EIF2S3: variants seen among roughly 807,000 people sequenced by gnomAD.
EIF2S3 encodes eukaryotic translation initiation factor 2 subunit gamma, also known as eukaryotic translation initiation factor 2 subunit 3.
EIF2S3 carries 2 observed loss-of-function variants against 31.7 expected under a neutral mutation model. The observed-to-expected ratio is 0.06, with a 90% CI of 0.03 to 0.20. The LOEUF is 0.20. EIF2S3 is among the 10% of genes least tolerant of loss of function. EIF2S3 has a pLI of 1.00. For synonymous variants in EIF2S3, 120 were observed against 126.7 expected (o/e 0.95, Z 0.36); for missense variants, 96 against 359.3 (o/e 0.27, Z 5.92).
rs746039942 is a variant in EIF2S3 at position 24,071,535 on chromosome X, A to G, written c.1013-23A>G. 8 of 1,199,228 alleles carry G rather than the reference A, an allele frequency of 6.7e-6. No homozygotes were observed. In the Admixed American group the frequency reaches 6.9e-5, roughly 10 times the overall value. On this transcript the variant is annotated intron_variant, in intron 9 of 11. Coordinates refer to ENST00000253039, the MANE Select transcript of EIF2S3 (RefSeq NM_001415.4). ...GTTTTAGGAAATAAAAAATTGAGCT[A>G]TATACATCTTATTTTTATATAGGAG...
chrX:24,077,663 C>A lies in EIF2S3; in HGVS notation c.*878C>A, dbSNP rs1307470397. ...CCTTTAGAGCATGATTACTTGTTCC[C>A]ATGGACAAATATTTTTCTCCCCTTG... On this transcript the variant is annotated 3_prime_UTR_variant, in exon 12 of 12. Coordinates refer to ENST00000253039, the MANE Select transcript of EIF2S3 (RefSeq NM_001415.4). 9.0e-6 allele frequency: 1 copy of A among 111,347 alleles called. No individual in the cohort carries two copies. Among genetic ancestry groups the A allele is most frequent in the Non-Finnish European group, 1.9e-5 (1 of 53,108 alleles). 9.2% of individuals were successfully genotyped at this position (111,347 alleles called of 1,213,427 possible).
At chrX:24,075,661 T>TA (rs1272605945) in intron 11 of EIF2S3, among the ~76,000 whole-genome samples, 1 of 111,627 alleles carries the variant, frequency 9.0e-6, no homozygotes, top group Non-Finnish European at 1.9e-5. Context: ...ATAAACCCTC[T>TA]AAATTAGACT....
chrX:24,058,536 C>CTTTTTT (rs1183377998), intron 4 of EIF2S3, among the ~76,000 whole-genome samples: 22 of 83,076 alleles, frequency 2.6e-4, no homozygotes, highest in Non-Finnish European at 4.0e-4. Context: ...TTTTTTCTTT[C>CTTTTTT]TTTTTTTTTT....
At chrX:24,072,033 G>A (rs1191941141) in intron 10 of EIF2S3, among the ~76,000 whole-genome samples, 5 of 108,812 alleles carry the variant, frequency 4.6e-5, no homozygotes, top group African/African-American at 1.7e-4. Flanking sequence ...GCACCAGCAC[G>A]CCCAGCTAAT....
intron 2 of EIF2S3, 23 bp downstream of exon 2, chrX:24,055,701 A>T (rs763506053): frequency 2.4e-5 from 29 of 1,186,770 alleles, no homozygotes; most frequent in Middle Eastern, 4.6e-4. Context: ...TAAGAGACCT[A>T]ACCTTGGTCT....
chrX:24,066,523 C>CTTTT (rs113989989), intron 8 of EIF2S3, among the ~76,000 whole-genome samples: 4 of 94,334 alleles, frequency 4.2e-5, no homozygotes, highest in Non-Finnish European at 6.2e-5. Flanking sequence ...CTTTTCTTTT[C>CTTTT]TTTTTTTTTT....
In EIF2S3 at chrX:24,058,403, G is replaced by A. The variant is rs185254746; in HGVS notation, c.383+649G>A. Among the ~76,000 whole-genome samples, 894 of 111,400 alleles carry A rather than the reference G, an allele frequency of 8.0e-3. 7 individuals carry two copies. Among genetic ancestry groups the A allele is most frequent in the Non-Finnish European group, 0.012 (629 of 53,054 alleles). ...TGTGATAAATCAGAATTTTAAATAA[G>A]GGCAGACTCTATTACTAAATTTTTT... is the stretch of plus-strand genomic sequence containing the variant. On this transcript the variant is annotated intron_variant, in intron 4 of 11. Coordinates refer to ENST00000253039, the MANE Select transcript of EIF2S3 (RefSeq NM_001415.4).
intron 10 of EIF2S3, among the ~76,000 whole-genome samples, chrX:24,072,577 C>T (rs1231449018): frequency 8.9e-6 from 1 of 111,856 alleles, no homozygotes; most frequent in Non-Finnish European, 1.9e-5. Context: ...ATCCACTGCG[C>T]CCAGCTTCAT....
At chrX:24,056,592 C>T (rs1251270187) in intron 2 of EIF2S3, among the ~76,000 whole-genome samples, 1 of 111,875 alleles carries the variant, frequency 8.9e-6, no homozygotes, top group Non-Finnish European at 1.9e-5. Context: ...GGTGCAGTGG[C>T]TTATGCTTGT....
intron 7 of EIF2S3, among the ~76,000 whole-genome samples, chrX:24,065,502 G>T (rs1930557871): frequency 9.0e-6 from 1 of 110,845 alleles, no homozygotes; most frequent in Non-Finnish European, 1.9e-5. Context: ...TGTACCTGTA[G>T]TCCGAGCTAC....
chrX:24,058,314 C>T (rs985875248), intron 4 of EIF2S3, among the ~76,000 whole-genome samples: 3 of 110,946 alleles, frequency 2.7e-5, no homozygotes, highest in African/African-American at 9.8e-5. Flanking sequence ...GCAGGTATGC[C>T]AGAAAACTCA....
At chrX:24,074,546 T>C (rs1410204928) in intron 11 of EIF2S3, among the ~76,000 whole-genome samples, 1 of 111,707 alleles carries the variant, frequency 9.0e-6, no homozygotes, top group African/African-American at 3.3e-5. Flanking sequence ...CCCCTGGATG[T>C]AGCATCCACT....
chrX:24,067,339 A>G (rs1447033111), intron 8 of EIF2S3, among the ~76,000 whole-genome samples: 1 of 110,935 alleles, frequency 9.0e-6, no homozygotes, highest in Admixed American at 9.7e-5. Context: ...ACGCCCAGCT[A>G]TATTTCTTTG....
chrX:24,063,338 C>T (rs966847313), intron 6 of EIF2S3, among the ~76,000 whole-genome samples: 2 of 112,428 alleles, frequency 1.8e-5, no homozygotes, highest in South Asian at 7.2e-4. Context: ...GACATTTTCT[C>T]TCTCAGTCTT....
chrX:24,072,232 A>G (rs895347349), intron 10 of EIF2S3, among the ~76,000 whole-genome samples: 2 of 111,280 alleles, frequency 1.8e-5, no homozygotes, highest in Non-Finnish European at 3.8e-5. Context: ...ATAAACAGGG[A>G]AAAGTATTAG....
chrX:24,056,358 T>C, intron 2 of EIF2S3, among the ~76,000 whole-genome samples: 1 of 111,897 alleles, frequency 8.9e-6, no homozygotes, highest in Non-Finnish European at 1.9e-5. Context: ...GAGGTGACCT[T>C]GGAGCATAAC....
chrX:24,057,220 G>A (rs1930417733), intron 2 of EIF2S3, among the ~76,000 whole-genome samples: 2 of 111,890 alleles, frequency 1.8e-5, no homozygotes, highest in Admixed American at 9.5e-5. Context: ...TAGTAGAGAT[G>A]GGGTTTCACC....
In EIF2S3 at chrX:24,076,698, ATTTCT is replaced by A; in HGVS notation, c.1356-20_1356-16del. 4 of 1,193,461 alleles carry A rather than the reference ATTTCT, an allele frequency of 3.4e-6. No homozygotes were observed. Among genetic ancestry groups the A allele is most frequent in the East Asian group, 3.0e-5 (1 of 33,325 alleles). On this transcript the variant is annotated intron_variant, in intron 11 of 11. Transcript: ENST00000253039. ...GAGTGAAGTGGATGTAAGATTTATG[ATTTCT>A]TTTATTTTCATTTTGCAGTTTAATT...
intron 6 of EIF2S3, 157 bp downstream of exon 6, chrX:24,062,731 G>C (rs1178160048): frequency 2.1e-6 from 1 of 475,892 alleles, no homozygotes; most frequent in Non-Finnish European, 3.3e-6. Flanking sequence ...TTAGTAACCT[G>C]ATATAACTAA....
Sources: gnomAD v4.1 joint callset for allele counts (sites outside exome capture counted in the v4.1 genomes callset) on GRCh38, gnomAD v4.1.1 for gene constraint, MANE v1.5 for transcripts, NCBI Gene and HGNC (gene_info 2026-07-23, HGNC 2026-07-21) for gene names.